Variants in SGMS1 observed in about 807,000 individuals in gnomAD.
SGMS1 encodes the protein phosphatidylcholine:ceramide cholinephosphotransferase 1.
A neutral mutation model predicts 46.2 loss-of-function variants in SGMS1; 13 were observed. That is an observed-to-expected ratio of 0.28 (90% confidence interval 0.18 to 0.45). The LOEUF is 0.45. SGMS1 is among the 20% of genes least tolerant of loss of function. The pLI is 1.00. For synonymous variants in SGMS1, 203 were observed against 187.8 expected, an observed-to-expected ratio of 1.08 and a Z score of -0.66; for missense variants, 324 against 519.9, an observed-to-expected ratio of 0.62 and a Z score of 3.66.
At chr10:50,573,604 T>C (rs927400129) in intron 2 of SGMS1, among the ~76,000 whole-genome samples, 3 of 152,140 alleles carry the variant, frequency 2.0e-5, no homozygotes, top group African/African-American at 7.2e-5. Flanking sequence ...CAATTTACAG[T>C]TTCAATGCAA....
intron 2 of SGMS1, among the ~76,000 whole-genome samples, chr10:50,530,645 T>C (rs1039819997): frequency 6.6e-6 from 1 of 151,966 alleles, no homozygotes; most frequent in Admixed American, 6.6e-5. Context: ...CCACCACATC[T>C]GGCTAATTTT....
intron 2 of SGMS1, among the ~76,000 whole-genome samples, chr10:50,544,862 G>A (rs1838086615): frequency 6.6e-6 from 1 of 152,200 alleles, no homozygotes; most frequent in African/African-American, 2.4e-5. Context: ...TTTGCCCCAA[G>A]AAGAAACGTG....
rs549610253 is a variant in SGMS1, at chr10:50,519,268, A to G, written c.-498+563T>C. On this transcript the variant is annotated intron_variant, in intron 3 of 10. Coordinates refer to ENST00000361781, the MANE Select transcript of SGMS1 (RefSeq NM_147156.4). Reference sequence around the variant, plus strand: ...TAGAATCAACGATAACACTAGAGACACTGTTTCGTTCATCTAACTTTTACG... The same window carrying G: ...TAGAATCAACGATAACACTAGAGACGCTGTTTCGTTCATCTAACTTTTACG... Among the ~76,000 whole-genome samples the G allele has an allele frequency of 9.8e-5, 15 of 152,296 alleles. No homozygotes were observed. The East Asian group carries it at 2.9e-3, about 29-fold the overall frequency.
At chr10:50,321,376 T>C (rs1213480897) in intron 8 of SGMS1, among the ~76,000 whole-genome samples, 1 of 152,206 alleles carries the variant, frequency 6.6e-6, no homozygotes, top group Non-Finnish European at 1.5e-5. Flanking sequence ...AAAGAATGTA[T>C]GGTTTATTTA....
rs375473065 is a variant in SGMS1, at chr10:50,423,175, C to T, written c.-232+10301G>A. Among the ~76,000 whole-genome samples, 47 of 152,210 alleles carry T rather than the reference C, an allele frequency of 3.1e-4. No individual in the cohort carries two copies. The East Asian group carries it at 3.3e-3, about 11-fold the overall frequency. On this transcript the variant is annotated intron_variant, in intron 6 of 10. Transcript: ENST00000361781. ...CTAAATATCCCAGCAACGGGAAAGCCACAGGGGCAGCTGGGCACTAGGATC... is the reference window on the plus strand; with the variant it reads ...CTAAATATCCCAGCAACGGGAAAGCTACAGGGGCAGCTGGGCACTAGGATC...
chr10:50,367,954 C>T (rs182706748), intron 6 of SGMS1, among the ~76,000 whole-genome samples: 22 of 152,278 alleles, frequency 1.4e-4, no homozygotes, highest in East Asian at 3.9e-4. Flanking sequence ...CAGGGGGCAA[C>T]GCAAAGTCTG....
intron 2 of SGMS1, among the ~76,000 whole-genome samples, chr10:50,584,913 T>C (rs1243148582): frequency 6.6e-6 from 1 of 152,238 alleles, no homozygotes; most frequent in African/African-American, 2.4e-5. Flanking sequence ...CTGATATGGT[T>C]TGACTTGCTT....
chr10:50,503,938 A>G (rs958349003), intron 3 of SGMS1, among the ~76,000 whole-genome samples: 95 of 152,212 alleles, frequency 6.2e-4, no homozygotes, highest in African/African-American at 2.1e-3. Flanking sequence ...TTGTACAGAG[A>G]AAAAATGAAG....
At chr10:50,529,746 A>G (rs1837936014) in intron 2 of SGMS1, among the ~76,000 whole-genome samples, 1 of 152,218 alleles carries the variant, frequency 6.6e-6, no homozygotes, top group African/African-American at 2.4e-5. Flanking sequence ...ATTGTGCTTG[A>G]CACAGCAGAA....
chr10:50,379,435 CATTT>C (rs1034425195), intron 6 of SGMS1, among the ~76,000 whole-genome samples: 9 of 94,722 alleles, frequency 9.5e-5, no homozygotes, highest in Non-Finnish European at 1.6e-4. Context: ...TGGGCATATA[CATTT>C]ATATATATAT....
chr10:50,568,704 T>C (rs1399404783), intron 2 of SGMS1, among the ~76,000 whole-genome samples: 1 of 152,176 alleles, frequency 6.6e-6, no homozygotes. Context: ...TGTTAAAAGA[T>C]AGTACACACA....
At chr10:50,488,508 G>A (rs754348662) in intron 3 of SGMS1, among the ~76,000 whole-genome samples, 2 of 152,104 alleles carry the variant, frequency 1.3e-5, no homozygotes, top group South Asian at 2.1e-4. Context: ...AATTAATATC[G>A]GGCTTTTTAA....
intron 7 of SGMS1, among the ~76,000 whole-genome samples, chr10:50,341,945 T>C (rs962504999): frequency 1.4e-4 from 22 of 152,236 alleles, no homozygotes; most frequent in Non-Finnish European, 3.1e-4. Flanking sequence ...CTGTGAAAGA[T>C]TCTGATTCGT....
intron 6 of SGMS1, among the ~76,000 whole-genome samples, chr10:50,417,413 AAAAATAAAAT>A (rs140505093): frequency 0.19 from 28,630 of 149,408 alleles, 2,948 homozygotes; most frequent in Admixed American, 0.24. Context: ...AAACAAACAC[AAAAATAAAAT>A]AAAATAAAAT....
chr10:50,344,173 T>C lies in SGMS1; in HGVS notation c.-59A>G. 6.5e-7 allele frequency: 1 copy of C among 1,533,044 alleles called. No individual in the cohort carries two copies. The highest frequency in any genetic ancestry group is 1.3e-5 in the South Asian group (1 of 78,758). 95.0% of individuals were successfully genotyped at this position (1,533,044 alleles called of 1,614,324 possible). On this transcript the variant is annotated 5_prime_UTR_variant, in exon 7 of 11. Transcript: ENST00000361781. ...CTCTTGGCAGGTCAGCAGTCACTGT[T>C]CCGACAGGGCAGGACACTGTCCTGC... is the stretch of plus-strand genomic sequence containing the variant.
chr10:50,545,526 C>T (rs12241031), intron 2 of SGMS1, among the ~76,000 whole-genome samples: 7,060 of 150,544 alleles, frequency 0.047, 523 homozygotes, highest in African/African-American at 0.16. Flanking sequence ...AACCTCCACC[C>T]CTGGGTTCAA....
chr10:50,593,392 G>A (rs1052205140), intron 1 of SGMS1, among the ~76,000 whole-genome samples: 2 of 152,198 alleles, frequency 1.3e-5, no homozygotes, highest in Non-Finnish European at 2.9e-5. Flanking sequence ...TCGTTTTAAG[G>A]TGCTAAGTCT....
At chr10:50,499,996 G>A (rs1267852525) in intron 3 of SGMS1, among the ~76,000 whole-genome samples, 5 of 152,096 alleles carry the variant, frequency 3.3e-5, no homozygotes, top group African/African-American at 7.2e-5. Context: ...GTGAAATCCC[G>A]TCTCTACTGA....
At chr10:50,378,476 C>T (rs565982601) in intron 6 of SGMS1, among the ~76,000 whole-genome samples, 33 of 152,284 alleles carry the variant, frequency 2.2e-4, no homozygotes, top group Admixed American at 1.9e-3. Context: ...GAGACTGAGA[C>T]AAATGAGTCC....
Sources: allele counts gnomAD v4.1 joint callset (sites outside exome capture counted in the v4.1 genomes callset), GRCh38; gene constraint gnomAD v4.1.1; transcripts MANE v1.5; gene names NCBI Gene and HGNC (gene_info 2026-07-23, HGNC 2026-07-21).